Variants in PCDHGB1 observed in about 807,000 individuals in gnomAD.
PCDHGB1 encodes protocadherin gamma subfamily B, 1.
A neutral mutation model predicts 56.6 loss-of-function variants in PCDHGB1; 34 were observed. The ratio of observed to expected loss-of-function variants is 0.60; its 90% CI spans 0.46 to 0.80. PCDHGB1 has a LOEUF of 0.80. Among genes scored for constraint, PCDHGB1 ranks in the 30% least tolerant of loss-of-function variants. The probability of loss-of-function intolerance (pLI) is 0.00; values close to 1 mark genes in which losing one functional copy is unlikely to be tolerated. For synonymous variants in PCDHGB1, 561 were observed against 505.9 expected, an observed-to-expected ratio of 1.11 and a Z score of -1.46; for missense variants, 1,278 against 1,204.6, an observed-to-expected ratio of 1.06 and a Z score of -0.90.
At chr5:141,359,008 G>C (rs1212259195) in intron 1 of PCDHGB1, among the ~76,000 whole-genome samples, 1 of 152,230 alleles carries the variant, frequency 6.6e-6, no homozygotes, top group Non-Finnish European at 1.5e-5. Flanking sequence ...ACACAAATTA[G>C]TGTAATTTGA....
rs558972594 is a variant in PCDHGB1 at position 141,485,292 on chromosome 5, A to G, written c.2410-9515A>G. ...CGCTACCCGGTCCCAGAGGAGTCAC[A>G]GGAAGGGACTTTTGTAGGGAATGTC... On this transcript the variant is annotated intron_variant, in intron 1 of 3. Coordinates refer to ENST00000523390, the MANE Select transcript of PCDHGB1 (RefSeq NM_018922.3). The surrounding 1 kb of genome is among the most constrained non-coding windows in gnomAD (Gnocchi z 5.7). 1 of 1,614,120 alleles carries G rather than the reference A, an allele frequency of 6.2e-7. No individual in the cohort carries two copies. Among genetic ancestry groups the G allele is most frequent in the African/African-American group, 1.3e-5 (1 of 75,058 alleles).
At chr5:141,375,223 C>T in intron 1 of PCDHGB1, 4 of 1,613,982 alleles carry the variant, frequency 2.5e-6, no homozygotes, top group Non-Finnish European at 3.4e-6. Flanking sequence ...GCCTGAATGG[C>T]CTGGTAACCT....
chr5:141,398,587 C>T, intron 1 of PCDHGB1: 5 of 1,613,860 alleles, frequency 3.1e-6, no homozygotes, highest in Non-Finnish European at 3.4e-6. Context: ...AAGATTTATA[C>T]TAGAAGTAGC....
chr5:141,366,355 A>G (rs1196036060), intron 1 of PCDHGB1: 1 of 1,614,004 alleles, frequency 6.2e-7, no homozygotes, highest in Non-Finnish European at 8.5e-7. Context: ...TGGCTGACCT[A>G]GGCAGTATCA....
chr5:141,393,894 C>G lies in PCDHGB1; in HGVS notation c.2409+41225C>G, dbSNP rs201697840. 1.3e-3 allele frequency: 2,063 copies of G among 1,614,000 alleles called. 4 individuals are homozygous for G. Among genetic ancestry groups the G allele is most frequent in the Non-Finnish European group, 1.6e-3 (1,902 of 1,179,890 alleles). On this transcript the variant is annotated intron_variant, in intron 1 of 3. Transcript: ENST00000523390. ...GTTTAGCCCAGTGTTAGAAAATTCT[C>G]TTCCCGGGACAGTAATTGCCTTCTT...
At chr5:141,430,301 C>G (rs985986465) in intron 1 of PCDHGB1, among the ~76,000 whole-genome samples, 2 of 150,982 alleles carry the variant, frequency 1.3e-5, no homozygotes, top group Non-Finnish European at 2.9e-5. Context: ...AGCAGATGCA[C>G]TAACATTATA....
chr5:141,492,320 G>T (rs1001784912), intron 1 of PCDHGB1, among the ~76,000 whole-genome samples: 1 of 152,206 alleles, frequency 6.6e-6, no homozygotes, highest in Non-Finnish European at 1.5e-5. Context: ...CTCCTCGCAC[G>T]TGGGCTTACG....
At chr5:141,374,269 C>G in intron 1 of PCDHGB1, 2 of 1,614,002 alleles carry the variant, frequency 1.2e-6, no homozygotes. Context: ...TGGCGGAGCA[C>G]GGAGTCCGCA....
At chr5:141,434,392 C>T (rs906051301) in intron 1 of PCDHGB1, among the ~76,000 whole-genome samples, 4 of 152,210 alleles carry the variant, frequency 2.6e-5, no homozygotes, top group African/African-American at 9.6e-5. Context: ...TGGCCATAAA[C>T]AAAATCTCTG....
chr5:141,362,348 G>A (rs761668802), intron 1 of PCDHGB1: 18 of 1,613,904 alleles, frequency 1.1e-5, no homozygotes, highest in Admixed American at 1.7e-5. Context: ...CCTGGACCTG[G>A]GGTTCTCCCC....
rs1248983040 is a variant in PCDHGB1, at chr5:141,476,937, G to T, written c.2410-17870G>T. 3.1e-6 allele frequency: 5 copies of T among 1,614,186 alleles called. No homozygotes were observed. Among genetic ancestry groups the T allele is most frequent in the Non-Finnish European group, 4.2e-6 (5 of 1,180,050 alleles). The stretch of plus-strand genomic sequence containing the variant: ...GTCCTTGCAACGGATCTGGATGAAG[G>T]CCCCAACGGTGAAATTATTTACTCC... On this transcript the variant is annotated intron_variant, in intron 1 of 3. Coordinates refer to ENST00000523390, the MANE Select transcript of PCDHGB1 (RefSeq NM_018922.3). This position sits in a 1 kb window ranked among gnomAD's most constrained non-coding sequence, Gnocchi z 7.6.
chr5:141,370,554 C>G, intron 1 of PCDHGB1: 2 of 1,613,894 alleles, frequency 1.2e-6, no homozygotes, highest in Non-Finnish European at 1.7e-6. Flanking sequence ...CGCCAAGGAC[C>G]TGGGGTTTGG....
rs558074504 is a variant in PCDHGB1, at chr5:141,489,065, C to G, written c.2410-5742C>G. On this transcript the variant is annotated intron_variant, in intron 1 of 3. Coordinates refer to ENST00000523390, the MANE Select transcript of PCDHGB1 (RefSeq NM_018922.3). This position sits in a 1 kb window ranked among gnomAD's most constrained non-coding sequence, Gnocchi z 4.5. ...CCACTCAAATTCAGCTCCCCTCCCC[C>G]CTGCCCACCCCCGCCACTCGGTGAC... is the stretch of plus-strand genomic sequence containing the variant. The G allele has an allele frequency of 1.5e-4, 57 of 389,046 alleles. No homozygotes were observed. Among genetic ancestry groups the G allele is most frequent in the African/African-American group, 8.5e-4 (40 of 47,278 alleles). 24.1% of individuals were successfully genotyped at this position (389,046 alleles called of 1,614,324 possible).
chr5:141,388,043 C>T (rs952133270), intron 1 of PCDHGB1: 6 of 1,412,324 alleles, frequency 4.2e-6, no homozygotes, highest in Middle Eastern at 5.0e-4. Flanking sequence ...TCGCCACGGA[C>T]CTGGGGTTCA....
chr5:141,352,354 C>T lies in PCDHGB1; in HGVS notation c.2094C>T (p.Leu698=). Residue 698 remains leucine, a synonymous_variant, in exon 1 of 4, where the codon CTC becomes CTT. Transcript: ENST00000523390. ...TGGCCTTGGCCTTGATCTCAGTGCT[C>T]TTTCTCCTCGCGGTGATTCTAGCGA... ...LVVALALISV[L]FLLAVILAIA... 6.2e-7 allele frequency: 1 copy of T among 1,614,078 alleles called. No individual in the cohort carries two copies. The highest frequency in any genetic ancestry group is 8.5e-7 in the Non-Finnish European group (1 of 1,179,904).
intron 1 of PCDHGB1, chr5:141,370,618 T>C: frequency 6.2e-7 from 1 of 1,613,964 alleles, no homozygotes; most frequent in Non-Finnish European, 8.5e-7. Context: ...AAGAAATTCT[T>C]TACCGTGAGC....
rs1480686339 is a variant in PCDHGB1, at chr5:141,415,643, A to G, written c.2409+62974A>G. ...TTTATTTTCATTTTTACTTTTGTTA[A>G]AAAAAAAAAGATTGGTTTTTACTTT... is the stretch of plus-strand genomic sequence containing the variant. On this transcript the variant is annotated intron_variant, in intron 1 of 3. Transcript: ENST00000523390. The G allele has an allele frequency of 5.1e-6, 8 of 1,571,752 alleles. No individual in the cohort carries two copies. In the South Asian group the frequency reaches 9.1e-5, roughly 18 times the overall value.
rs778770720 is a variant in PCDHGB1 at position 141,375,689 on chromosome 5, G to C, written c.2409+23020G>C. On this transcript the variant is annotated intron_variant, in intron 1 of 3. Coordinates refer to ENST00000523390, the MANE Select transcript of PCDHGB1 (RefSeq NM_018922.3). ...CCTACAGCTGTGGGTGACAGCCAGC[G>C]ACAGCGGGGACCCGCCTCTTAGCAG... 4 of 1,614,250 alleles carry C rather than the reference G, an allele frequency of 2.5e-6. No individual in the cohort carries two copies. In the Admixed American group the frequency reaches 6.7e-5, roughly 27 times the overall value.
At chr5:141,450,998 T>C (rs2098703513) in intron 1 of PCDHGB1, among the ~76,000 whole-genome samples, 1 of 151,696 alleles carries the variant, frequency 6.6e-6, no homozygotes, top group Non-Finnish European at 1.5e-5. Flanking sequence ...CTAATTTTTT[T>C]GTATTTTTTT....
Sources: gnomAD v4.1 joint callset for allele counts (sites outside exome capture counted in the v4.1 genomes callset) on GRCh38, gnomAD v4.1.1 for gene constraint, Gnocchi (gnomAD v3.1) non-coding constraint, MANE v1.5 for transcripts, NCBI Gene and HGNC (gene_info 2026-07-23, HGNC 2026-07-21) for gene names.